The following PRRC2B variants were observed in gnomAD, a reference collection of about 807,000 sequenced individuals.
PRRC2B encodes the protein protein PRRC2B.
In PRRC2B, 68 loss-of-function variants were observed where a neutral mutation model predicts 242.3. That is an observed-to-expected ratio of 0.28 (90% confidence interval 0.23 to 0.34). PRRC2B has a LOEUF of 0.34. Among genes scored for constraint, PRRC2B ranks in the 10% least tolerant of loss-of-function variants. The pLI, the probability that PRRC2B is intolerant of heterozygous loss-of-function variation, is 1.00. For synonymous variants in PRRC2B, 1,228 were observed against 1,173.6 expected (o/e 1.05, Z -0.95); for missense variants, 2,835 against 2,954.8 (o/e 0.96, Z 0.94).
chr9:131,481,698 C>T (rs368866578), intron 19 of PRRC2B, 28 bp from the exon 20 acceptor site: 23 of 1,537,296 alleles, frequency 1.5e-5, no homozygotes, highest in Non-Finnish European at 2.0e-5. Context: ...CTCTTTGATG[C>T]CCTGACTCTG....
In PRRC2B at chr9:131,477,640, G is replaced by C. The variant is rs1306117111; in HGVS notation, c.4407-104G>C. On this transcript the variant is annotated intron_variant, in intron 16 of 31. Coordinates refer to ENST00000683519, the MANE Select transcript of PRRC2B (RefSeq NM_013318.4). ...CCACCCGAGGAGTCAGCTAGAGGAA[G>C]TGGGCCTAGATCAGGGTGCCGGGCT... 4 of 683,510 alleles carry C rather than the reference G, an allele frequency of 5.9e-6. No individual in the cohort carries two copies. In the African/African-American group the frequency reaches 7.1e-5, roughly 12 times the overall value. The allele number at this position is 683,510 out of a possible 1,614,324, so 42.3% of individuals were successfully genotyped here.
At chr9:131,465,347 A>G (rs1226924610) in intron 12 of PRRC2B, among the ~76,000 whole-genome samples, 1 of 152,170 alleles carries the variant, frequency 6.6e-6, no homozygotes, top group Non-Finnish European at 1.5e-5. Flanking sequence ...TGATCCTATC[A>G]CCCAGGTACT....
intron 1 of PRRC2B, among the ~76,000 whole-genome samples, chr9:131,418,732 C>T (rs534635259): frequency 1.2e-4 from 19 of 152,344 alleles, no homozygotes; most frequent in African/African-American, 4.6e-4. Flanking sequence ...GTGCTCAGCT[C>T]AGCCTTTCTG....
chr9:131,481,340 A>G (rs1314797705), intron 19 of PRRC2B, among the ~76,000 whole-genome samples: 2 of 150,312 alleles, frequency 1.3e-5, no homozygotes, highest in African/African-American at 4.9e-5. Context: ...AAAGAAAGAT[A>G]TATTTTTTAA....
intron 1 of PRRC2B, among the ~76,000 whole-genome samples, chr9:131,394,908 A>G (rs368264361): frequency 6.6e-6 from 1 of 150,778 alleles, no homozygotes; most frequent in Non-Finnish European, 1.5e-5. Flanking sequence ...GCTCCATGCT[A>G]AAAATGTTTA....
rs938457879 is a variant in PRRC2B at position 131,467,759 on chromosome 9, C to G, written c.1911+6C>G. On this transcript the variant is annotated splice_donor_region_variant and intron_variant, in intron 13 of 31. Transcript: ENST00000683519. ...AGCAGCAGCAACAACAGCAGGTAAA[C>G]AGATGAGATGGTAAAAGACTGTGAT... The G allele has an allele frequency of 2.5e-6, 4 of 1,613,564 alleles. No homozygotes were observed. In the African/African-American group the frequency reaches 5.3e-5, roughly 22 times the overall value.
intron 25 of PRRC2B, chr9:131,485,871 G>A: frequency 1.4e-6 from 1 of 725,764 alleles, no homozygotes; most frequent in Non-Finnish European, 2.5e-6. Flanking sequence ...GTCTGACGCT[G>A]CACCCTCCCT....
intron 19 of PRRC2B, 147 bp downstream of exon 19, chr9:131,479,540 A>G: frequency 1.3e-6 from 1 of 798,340 alleles, no homozygotes; most frequent in Non-Finnish European, 1.9e-6. Flanking sequence ...CTGCTGAGCT[A>G]GTCGCTGAAT....
intron 4 of PRRC2B, among the ~76,000 whole-genome samples, chr9:131,437,532 A>G (rs1426929976): frequency 6.6e-6 from 1 of 152,206 alleles, no homozygotes; most frequent in Non-Finnish European, 1.5e-5. Context: ...GTAGACGTAG[A>G]TATCTCATAT....
intron 13 of PRRC2B, among the ~76,000 whole-genome samples, chr9:131,468,544 C>G (rs994123100): frequency 2.0e-5 from 3 of 152,042 alleles, no homozygotes; most frequent in African/African-American, 2.4e-5. Context: ...CTCTCCTAGT[C>G]CTGATAGTCT....
chr9:131,484,966 G>C lies in PRRC2B; in HGVS notation c.5584G>C (p.Ala1862Pro). The C allele has an allele frequency of 6.2e-7, 1 of 1,613,044 alleles. No homozygotes were observed. Among genetic ancestry groups the C allele is most frequent in the Non-Finnish European group, 8.5e-7 (1 of 1,179,270 alleles). Residue 1862 changes from alanine (A) to proline (P), a missense_variant, in exon 25 of 32, where the codon GCT becomes CCT. Physicochemically the swap from Ala to Pro is conservative, Grantham distance 27 (BLOSUM62 -1). This residue lies in a region of PRRC2B where 574 missense variants were observed against 626.0 expected (regional missense o/e 0.92). Transcript: ENST00000683519. ...LTLKMESARK[A>P]WENSPSLPEQ... ...TCTGAAGATGGAGTCTGCGCGCAAG[G>C]CTTGGGAAAACTCCCCCAGTTTGCC...
At chr9:131,483,211 C>G (rs1400081120) in intron 22 of PRRC2B, 148 bp from the exon 23 acceptor site, 1 of 784,606 alleles carries the variant, frequency 1.3e-6, no homozygotes. Flanking sequence ...TGGGGAAAAT[C>G]TGGCCATCTC....
At chr9:131,470,645 C>T in intron 13 of PRRC2B, 143 bp from the exon 14 acceptor site, 1 of 643,190 alleles carries the variant, frequency 1.6e-6, no homozygotes, top group Non-Finnish European at 2.7e-6. Flanking sequence ...CCTTGAGCAG[C>T]TGCCCATCCC....
intron 1 of PRRC2B, among the ~76,000 whole-genome samples, chr9:131,409,409 C>T (rs1212237537): frequency 6.6e-6 from 1 of 152,188 alleles, no homozygotes; most frequent in Admixed American, 6.5e-5. Flanking sequence ...GTCTCGAACG[C>T]CTGACCCCAG....
At chr9:131,465,151 C>T (rs1268654449) in intron 12 of PRRC2B, 73 bp downstream of exon 12, 11 of 1,417,784 alleles carry the variant, frequency 7.8e-6, no homozygotes, top group Non-Finnish European at 1.1e-5. Context: ...TTGCAACTGC[C>T]TTCCTTCTTA....
Position 131,377,507 on chromosome 9 carries a change from T to TTG in PRRC2B, c.-56+3795_-56+3796dup, listed in dbSNP as rs142704380. ...TTTTATTTAATTTTTCCTTTTTCTT[T>TTG]TGTGTGTGTGTGTGTGTGTGATGGC... On this transcript the variant is annotated intron_variant, in intron 1 of 1. Coordinates refer to the PRRC2B transcript ENST00000682525. Among the ~76,000 whole-genome samples the TTG allele has an allele frequency of 7.7e-3, 1,156 of 150,434 alleles. 14 individuals carry two copies. Among genetic ancestry groups the TTG allele is most frequent in the African/African-American group, 0.025 (1,012 of 41,134 alleles).
intron 12 of PRRC2B, among the ~76,000 whole-genome samples, chr9:131,466,745 A>T (rs1234898648): frequency 6.6e-6 from 1 of 151,502 alleles, no homozygotes; most frequent in Non-Finnish European, 1.5e-5. Context: ...TCAACCTCCC[A>T]TATAGCTGGG....
Position 131,446,980 on chromosome 9 carries a change from G to GT in PRRC2B, c.856-102dup, listed in dbSNP as rs1432485208. On this transcript the variant is annotated intron_variant, in intron 7 of 31. Transcript: ENST00000683519. This position sits in a 1 kb window ranked among gnomAD's most constrained non-coding sequence, Gnocchi z 4.1. ...AATTAGGAAACCCCATGACTTTCCTGTTTCTTTTTCCCATTTTCCACTTTA... is the reference window on the plus strand; with the variant it reads ...AATTAGGAAACCCCATGACTTTCCTGTTTTCTTTTTCCCATTTTCCACTTTA... The GT allele has an allele frequency of 6.2e-6, 9 of 1,451,282 alleles. No homozygotes were observed. The highest frequency in any genetic ancestry group is 7.6e-6 in the Non-Finnish European group (8 of 1,056,192). 89.9% of individuals were successfully genotyped at this position (1,451,282 alleles called of 1,614,324 possible).
At chr9:131,385,341 C>CAA (rs112849330) in intron 1 of PRRC2B, among the ~76,000 whole-genome samples, 2 of 135,466 alleles carry the variant, frequency 1.5e-5, no homozygotes, top group Non-Finnish European at 3.2e-5. Context: ...AACTCCGTCT[C>CAA]AAAAAAAAAA....
Sources: allele counts gnomAD v4.1 joint callset (sites outside exome capture counted in the v4.1 genomes callset), GRCh38; gene constraint gnomAD v4.1.1; regional missense constraint gnomAD v4.1.1; non-coding constraint Gnocchi (gnomAD v3.1); transcripts MANE v1.5; gene names NCBI Gene and HGNC (gene_info 2026-07-23, HGNC 2026-07-21).